MAGI2: variants seen among roughly 807,000 people sequenced by gnomAD.
MAGI2 encodes membrane associated guanylate kinase, WW and PDZ domain containing 2.
A neutral mutation model predicts 133.3 loss-of-function variants in MAGI2; 35 were observed. That is an observed-to-expected ratio of 0.26 (90% confidence interval 0.20 to 0.35). The LOEUF is 0.35. MAGI2 is among the 10% of genes least tolerant of loss of function. The pLI is 1.00. For missense variants in MAGI2, 1,636 were observed against 1,863.4 expected, an observed-to-expected ratio of 0.88 and a Z score of 2.25; for synonymous variants, 729 against 710.6, an observed-to-expected ratio of 1.03 and a Z score of -0.41.
intron 1 of MAGI2, among the ~76,000 whole-genome samples, chr7:79,326,039 T>A (rs1534495): frequency 6.6e-6 from 1 of 152,134 alleles, no homozygotes; most frequent in Non-Finnish European, 1.5e-5. Flanking sequence ...AATAAGAAAT[T>A]ACCAAATGCA....
At chr7:78,907,371 T>A (rs1199845560) in intron 2 of MAGI2, among the ~76,000 whole-genome samples, 1 of 152,178 alleles carries the variant, frequency 6.6e-6, no homozygotes, top group African/African-American at 2.4e-5. Flanking sequence ...ATTATCACCC[T>A]GGGGTACACA....
intron 10 of MAGI2, among the ~76,000 whole-genome samples, chr7:78,216,721 C>T (rs779136280): frequency 1.3e-5 from 2 of 152,216 alleles, no homozygotes; most frequent in Non-Finnish European, 2.9e-5. Flanking sequence ...CTAAACCAAA[C>T]CCGATAGAGG....
intron 9 of MAGI2, among the ~76,000 whole-genome samples, chr7:78,333,851 C>T (rs1167788871): frequency 1.3e-5 from 2 of 152,168 alleles, no homozygotes; most frequent in African/African-American, 4.8e-5. Context: ...CCTGCCTGAT[C>T]CTGAGTGAGA....
intron 1 of MAGI2, chr7:79,411,997 G>T (rs1162224243): frequency 1.3e-5 from 2 of 151,782 alleles, no homozygotes; most frequent in Non-Finnish European, 2.9e-5. Context: ...GTTAATCAGG[G>T]TCATTTAAAA....
chr7:78,946,188 A>G (rs1416675284), intron 2 of MAGI2, among the ~76,000 whole-genome samples: 2 of 152,100 alleles, frequency 1.3e-5, no homozygotes, highest in Admixed American at 6.5e-5. Context: ...TTAAAATACT[A>G]TAGAATTTTA....
intron 2 of MAGI2, among the ~76,000 whole-genome samples, chr7:78,875,873 C>T (rs1221945330): frequency 1.3e-5 from 2 of 151,966 alleles, no homozygotes; most frequent in Non-Finnish European, 2.9e-5. Flanking sequence ...AGAAATACAA[C>T]TAAAAAGAAC....
intron 1 of MAGI2, among the ~76,000 whole-genome samples, chr7:79,158,781 T>C (rs896998871): frequency 1.3e-5 from 2 of 152,044 alleles, no homozygotes; most frequent in African/African-American, 2.4e-5. Context: ...ATAATCTAGG[T>C]AAACTATTAA....
chr7:78,960,323 C>A (rs1020335010), intron 2 of MAGI2, among the ~76,000 whole-genome samples: 11 of 152,176 alleles, frequency 7.2e-5, no homozygotes, highest in Admixed American at 2.0e-4. Flanking sequence ...TAACGTAGAA[C>A]AGGTAATGTG....
rs1387140803 is a variant in MAGI2, at chr7:78,132,972, G to T, written c.3120C>A (p.Ala1040=). The T allele has an allele frequency of 1.4e-5, 22 of 1,613,108 alleles. No individual in the cohort carries two copies. The highest frequency in any genetic ancestry group is 3.3e-4 in the Middle Eastern group (2 of 6,044). The stretch of plus-strand genomic sequence containing the variant: ...TGTTGGGGGTGGCTGGGCTTGGCTG[G>T]GCCAGGGGACTCTGCTGTGCCAGGG... ...QSPLAQQSPL[A]QPSPATPNSP... The change falls in exon 18 of 22, where the codon GCC becomes GCA. Residue 1040 remains alanine, a synonymous_variant. Transcript: ENST00000354212.
At chr7:78,402,596 G>T (rs1183268600) in intron 6 of MAGI2, among the ~76,000 whole-genome samples, 1 of 152,148 alleles carries the variant, frequency 6.6e-6, no homozygotes, top group African/African-American at 2.4e-5. Context: ...TTAAGTATTT[G>T]CTGTTGCATT....
intron 1 of MAGI2, among the ~76,000 whole-genome samples, chr7:79,206,622 T>C (rs751971308): frequency 4.6e-4 from 70 of 152,038 alleles, no homozygotes; most frequent in Non-Finnish European, 6.2e-4. Context: ...ACCTTCACCA[T>C]TGAATTCTAA....
In MAGI2 at chr7:78,463,781, A is replaced by G. The variant is rs114324363; in HGVS notation, c.1045+25980T>C. Among the ~76,000 whole-genome samples, 1,063 of 152,332 alleles carry G rather than the reference A, an allele frequency of 7.0e-3. 15 individuals are homozygous for G. The highest frequency in any genetic ancestry group is 0.025 in the African/African-American group (1,027 of 41,578). Reference sequence around the variant, plus strand: ...TCATTATTTTTCATGTCTACTATGCATACTAAGTAGTGTTTTAGTCAATGT... The same window carrying G: ...TCATTATTTTTCATGTCTACTATGCGTACTAAGTAGTGTTTTAGTCAATGT... On this transcript the variant is annotated intron_variant, in intron 6 of 21. Transcript: ENST00000354212.
intron 3 of MAGI2, among the ~76,000 whole-genome samples, chr7:78,620,541 A>T (rs1259052857): frequency 6.6e-6 from 1 of 151,960 alleles, no homozygotes; most frequent in Admixed American, 6.6e-5. Flanking sequence ...AGAAAACTTG[A>T]ATTTCACAGT....
At chr7:78,848,204 A>T (rs1021772917) in intron 2 of MAGI2, among the ~76,000 whole-genome samples, 3 of 151,788 alleles carry the variant, frequency 2.0e-5, no homozygotes, top group African/African-American at 4.8e-5. Context: ...TTTGGGGCTC[A>T]TCTTCCTCTA....
chr7:79,275,696 G>A (rs1835181529), intron 1 of MAGI2, among the ~76,000 whole-genome samples: 1 of 152,148 alleles, frequency 6.6e-6, no homozygotes, highest in Non-Finnish European at 1.5e-5. Flanking sequence ...AAGCATCACA[G>A]GACAGGCTGA....
intron 2 of MAGI2, among the ~76,000 whole-genome samples, chr7:78,805,056 ACT>A (rs1788451097): frequency 6.6e-6 from 1 of 151,660 alleles, no homozygotes; most frequent in Non-Finnish European, 1.5e-5. Context: ...CGACAGCAAG[ACT>A]CTGTCTCAAA....
intron 15 of MAGI2, among the ~76,000 whole-genome samples, chr7:78,163,298 C>T (rs545530308): frequency 1.2e-4 from 18 of 152,126 alleles, no homozygotes; most frequent in East Asian, 3.9e-4. Context: ...CCACCACGCC[C>T]GGCTAATTTG....
Position 78,993,205 on chromosome 7 carries a change from C to T in MAGI2, c.418+13885G>A, listed in dbSNP as rs532474485. Among the ~76,000 whole-genome samples the T allele has an allele frequency of 7.2e-5, 11 of 151,862 alleles. No homozygotes were observed. In the South Asian group the frequency reaches 2.1e-3, roughly 29 times the overall value. On this transcript the variant is annotated intron_variant, in intron 2 of 21. Coordinates refer to ENST00000354212, the MANE Select transcript of MAGI2 (RefSeq NM_012301.4). ...TTCTTAGTAGCTTATAACCAGTTAG[C>T]ATAATATGTATGTATAATTAGGAGC...
At chr7:78,379,202 A>C (rs1018556287) in intron 6 of MAGI2, among the ~76,000 whole-genome samples, 3 of 152,088 alleles carry the variant, frequency 2.0e-5, no homozygotes, top group Non-Finnish European at 4.4e-5. Flanking sequence ...AATACGGGCA[A>C]TAAATAAAAT....
Sources: allele counts gnomAD v4.1 joint callset (sites outside exome capture counted in the v4.1 genomes callset), GRCh38; gene constraint gnomAD v4.1.1; transcripts MANE v1.5; gene names NCBI Gene and HGNC (gene_info 2026-07-23, HGNC 2026-07-21).